STXBP5L: variants seen among roughly 807,000 people sequenced by gnomAD.
STXBP5L encodes syntaxin-binding protein 5-like.
Under a neutral mutation model 144.5 loss-of-function variants are expected in STXBP5L, and 65 were observed. The ratio of observed to expected loss-of-function variants is 0.45; its 90% CI spans 0.37 to 0.55. The LOEUF is 0.55. Among genes scored for constraint, STXBP5L ranks in the 20% least tolerant of loss-of-function variants. STXBP5L has a pLI of 0.00. For synonymous variants in STXBP5L, 505 were observed against 469.6 expected, an observed-to-expected ratio of 1.08 and a Z score of -0.97; for missense variants, 1,298 against 1,405.5, an observed-to-expected ratio of 0.92 and a Z score of 1.22.
chr3:121,370,836 G>C (rs1167371268), intron 20 of STXBP5L, among the ~76,000 whole-genome samples: 1 of 152,162 alleles, frequency 6.6e-6, no homozygotes. Context: ...AATTCTTGTA[G>C]AGTGTTTTTT....
Position 121,152,819 on chromosome 3 carries a change from T to A in STXBP5L, c.753+259T>A, listed in dbSNP as rs2045977732. 2.6e-5 allele frequency among the ~76,000 whole-genome samples: 4 copies of A among 152,236 alleles called. No homozygotes were observed. In the South Asian group the frequency reaches 6.2e-4, roughly 24 times the overall value. On this transcript the variant is annotated intron_variant, in intron 8 of 26. Coordinates refer to ENST00000471454, the MANE Select transcript of STXBP5L (RefSeq NM_001308330.2). ...TTTGCATTTGTTAATAGATCCTGCC[T>A]TGTCAATCTTATATACTTGGGTGCC... is the stretch of plus-strand genomic sequence containing the variant.
intron 3 of STXBP5L, among the ~76,000 whole-genome samples, chr3:121,036,231 G>A (rs990017839): frequency 2.0e-5 from 3 of 152,098 alleles, no homozygotes; most frequent in Non-Finnish European, 4.4e-5. Context: ...TACTTGGGAA[G>A]CTGAGGCAGG....
intron 9 of STXBP5L, among the ~76,000 whole-genome samples, chr3:121,176,476 C>A (rs1430495279): frequency 2.6e-5 from 3 of 114,342 alleles, no homozygotes; most frequent in African/African-American, 6.5e-5. Context: ...CAATAAACAT[C>A]TAGCCAAACT....
intron 3 of STXBP5L, among the ~76,000 whole-genome samples, chr3:120,967,986 T>C (rs944957890): frequency 2.0e-5 from 3 of 152,238 alleles, no homozygotes; most frequent in Non-Finnish European, 4.4e-5. Context: ...TTTTGACTTC[T>C]AAAAATTTAT....
At chr3:121,281,763 T>C (rs961509657) in intron 19 of STXBP5L, among the ~76,000 whole-genome samples, 1 of 151,980 alleles carries the variant, frequency 6.6e-6, no homozygotes, top group Non-Finnish European at 1.5e-5. Flanking sequence ...AGTTATAAAC[T>C]CAGTTTGTGT....
chr3:121,383,033 G>A (rs2046353539), intron 22 of STXBP5L, among the ~76,000 whole-genome samples: 1 of 152,006 alleles, frequency 6.6e-6, no homozygotes, highest in African/African-American at 2.4e-5. Flanking sequence ...TATAATTCCT[G>A]CACTTTGGAA....
In STXBP5L at chr3:120,982,756, G is replaced by A. The variant is rs143496695; in HGVS notation, c.287+27719G>A. Among the ~76,000 whole-genome samples the A allele has an allele frequency of 5.8e-3, 878 of 152,296 alleles. 11 individuals carry two copies. The highest frequency in any genetic ancestry group is 0.019 in the African/African-American group (789 of 41,556). On this transcript the variant is annotated intron_variant, in intron 3 of 26. Transcript: ENST00000471454. ...AGCTGTGATGTTGTCAGCTGGTTGG[G>A]TTGGCCTGACTTAGACCCTGGACTG...
intron 3 of STXBP5L, among the ~76,000 whole-genome samples, chr3:120,994,963 C>G (rs1006596677): frequency 5.9e-5 from 9 of 151,856 alleles, no homozygotes; most frequent in African/African-American, 2.2e-4. Flanking sequence ...CCATTATTGG[C>G]TGTCCAGGTT....
chr3:120,975,518 A>G (rs1940874255), intron 3 of STXBP5L, among the ~76,000 whole-genome samples: 3 of 152,148 alleles, frequency 2.0e-5, no homozygotes, highest in South Asian at 2.1e-4. Context: ...CTCTTTTCCT[A>G]ATTGAATACC....
chr3:121,334,620 C>T (rs1183111566), intron 20 of STXBP5L, among the ~76,000 whole-genome samples: 3 of 152,042 alleles, frequency 2.0e-5, no homozygotes, highest in Non-Finnish European at 2.9e-5. Context: ...AATCCAGCAA[C>T]ACATCAAAAA....
At chr3:121,186,506 A>C (rs139694321) in intron 9 of STXBP5L, among the ~76,000 whole-genome samples, 1 of 151,134 alleles carries the variant, frequency 6.6e-6, no homozygotes, top group Non-Finnish European at 1.5e-5. Flanking sequence ...AGCATGAAGC[A>C]TTGTTGAATT....
At chr3:121,416,600 C>T (rs1242142668) in intron 25 of STXBP5L, among the ~76,000 whole-genome samples, 1 of 151,288 alleles carries the variant, frequency 6.6e-6, no homozygotes, top group African/African-American at 2.4e-5. Context: ...CTCTGCCTCC[C>T]GGGTTCAAGC....
intron 20 of STXBP5L, among the ~76,000 whole-genome samples, chr3:121,322,267 T>C (rs1384982479): frequency 2.0e-5 from 3 of 151,950 alleles, no homozygotes; most frequent in African/African-American, 4.8e-5. Flanking sequence ...TCACCTGAGG[T>C]TGGGGGTTTG....
At chr3:121,051,489 G>C (rs1192400708) in intron 5 of STXBP5L, among the ~76,000 whole-genome samples, 1 of 152,124 alleles carries the variant, frequency 6.6e-6, no homozygotes, top group African/African-American at 2.4e-5. Flanking sequence ...AATGACTACT[G>C]GGTACGTGAC....
intron 3 of STXBP5L, among the ~76,000 whole-genome samples, chr3:120,959,050 A>T (rs1464108399): frequency 2.0e-5 from 3 of 152,242 alleles, no homozygotes; most frequent in Admixed American, 2.0e-4. Context: ...AAGCAACTTC[A>T]GCAAAGTCTC....
intron 19 of STXBP5L, among the ~76,000 whole-genome samples, chr3:121,315,017 A>G (rs1444881183): frequency 6.6e-6 from 1 of 152,148 alleles, no homozygotes; most frequent in Middle Eastern, 3.2e-3. Flanking sequence ...AGAAATAGGA[A>G]CACTTTTACA....
intron 20 of STXBP5L, among the ~76,000 whole-genome samples, chr3:121,330,439 C>A (rs999446214): frequency 2.0e-5 from 3 of 152,192 alleles, no homozygotes; most frequent in African/African-American, 7.2e-5. Flanking sequence ...AGAGTGCAGA[C>A]TTAACCTGAC....
At chr3:121,187,248 G>A (rs530759514) in intron 9 of STXBP5L, among the ~76,000 whole-genome samples, 1 of 152,104 alleles carries the variant, frequency 6.6e-6, no homozygotes, top group African/African-American at 2.4e-5. Flanking sequence ...CATGTCCTTT[G>A]TAGGGACATG....
chr3:121,350,534 G>C (rs540820748), intron 20 of STXBP5L, among the ~76,000 whole-genome samples: 164 of 152,232 alleles, frequency 1.1e-3, no homozygotes, highest in African/African-American at 3.8e-3. Flanking sequence ...AGTTCTCCTG[G>C]ATAATATTCT....
Sources: gnomAD v4.1 joint callset for allele counts (sites outside exome capture counted in the v4.1 genomes callset) on GRCh38, gnomAD v4.1.1 for gene constraint, MANE v1.5 for transcripts, NCBI Gene and HGNC (gene_info 2026-07-23, HGNC 2026-07-21) for gene names.